Variants in CUL5 observed in about 807,000 individuals in gnomAD.
CUL5 encodes the protein cullin-5.
A neutral mutation model predicts 108.8 loss-of-function variants in CUL5; 26 were observed. That is an observed-to-expected ratio of 0.24 (90% confidence interval 0.18 to 0.33). CUL5 has a LOEUF of 0.33. CUL5 is among the 10% of genes least tolerant of loss of function. CUL5 has a pLI of 1.00. For missense variants in CUL5, 524 were observed against 909.2 expected (o/e 0.58, Z 5.45); for synonymous variants, 334 against 298.0 (o/e 1.12, Z -1.25).
At chr11:108,039,826 G>T (rs1862846888) in intron 2 of CUL5, among the ~76,000 whole-genome samples, 1 of 152,106 alleles carries the variant, frequency 6.6e-6, no homozygotes, top group African/African-American at 2.4e-5. Flanking sequence ...CTTTATCATG[G>T]ATCTGATGTT....
intron 1 of CUL5, among the ~76,000 whole-genome samples, chr11:108,032,644 C>CTAATAAA (rs1424974395): frequency 2.6e-5 from 4 of 152,208 alleles, no homozygotes; most frequent in African/African-American, 9.6e-5. Flanking sequence ...CCTAATATTG[C>CTAATAAA]ACTACTTTTA....
chr11:108,092,366 G>T (rs1864382616), intron 13 of CUL5, among the ~76,000 whole-genome samples: 1 of 152,116 alleles, frequency 6.6e-6, no homozygotes, highest in Non-Finnish European at 1.5e-5. Context: ...CATTTGAAGA[G>T]AAATGAAAAC....
chr11:108,042,611 G>T (rs1159976130), intron 2 of CUL5, among the ~76,000 whole-genome samples: 1 of 151,952 alleles, frequency 6.6e-6, no homozygotes, highest in East Asian at 1.9e-4. Flanking sequence ...TATTTTTGGA[G>T]ATTAAGCTCA....
In CUL5 at chr11:108,094,311, G is replaced by A. The variant is rs1239493885; in HGVS notation, c.1444-80G>A. On this transcript the variant is annotated intron_variant, in intron 13 of 18. Transcript: ENST00000393094. Reference sequence around the variant, plus strand: ...TTTGTATTAAAACATTTAAGACTTAGTTTTTCTATTAAAATTTTTCCCAGT... The same window carrying A: ...TTTGTATTAAAACATTTAAGACTTAATTTTTCTATTAAAATTTTTCCCAGT... The A allele has an allele frequency of 9.5e-6, 10 of 1,051,504 alleles. No homozygotes were observed. In the African/African-American group the frequency reaches 1.2e-4, roughly 12 times the overall value. The allele number at this position is 1,051,504 out of a possible 1,614,324, so 65.1% of individuals were successfully genotyped here.
intron 1 of CUL5, among the ~76,000 whole-genome samples, chr11:108,030,150 AT>A (rs1367437154): frequency 5.9e-5 from 9 of 152,216 alleles, no homozygotes; most frequent in African/African-American, 2.2e-4. Flanking sequence ...GCATAAAGTT[AT>A]TGTACAAAGT....
chr11:108,094,778 ATTTAC>A (rs1259633687), intron 14 of CUL5, 29 bp from the exon 15 acceptor site: 1 of 1,468,524 alleles, frequency 6.8e-7, no homozygotes, highest in Non-Finnish European at 9.2e-7. Context: ...TCCATTGTTA[ATTTAC>A]TTTATATTCC....
At chr11:108,051,598 C>T (rs1340676493) in intron 4 of CUL5, among the ~76,000 whole-genome samples, 1 of 152,132 alleles carries the variant, frequency 6.6e-6, no homozygotes, top group African/African-American at 2.4e-5. Context: ...TACATCTGAC[C>T]AAGTTTCTTG....
intron 4 of CUL5, 140 bp from the exon 5 acceptor site, chr11:108,052,520 C>T: frequency 4.4e-6 from 3 of 681,482 alleles, no homozygotes; most frequent in Non-Finnish European, 7.0e-6. Flanking sequence ...CCTCGGCCTC[C>T]CAAATTGTTG....
intron 7 of CUL5, among the ~76,000 whole-genome samples, chr11:108,058,576 G>C (rs1396599091): frequency 1.3e-5 from 2 of 151,556 alleles, no homozygotes; most frequent in Admixed American, 1.3e-4. Context: ...TTTAAATGAA[G>C]TAAGAGTAAT....
At position 108,104,515 on chromosome 11, in the gene CUL5, A is replaced by G. The variant is rs1864744072; in HGVS notation, c.*131A>G. On this transcript the variant is annotated 3_prime_UTR_variant, in exon 19 of 19. Transcript: ENST00000393094. ...AATATTAAAATCTCTGCCTTACCTT[A>G]CAAAAACAACTATATTTTGCCAATC... The G allele has an allele frequency of 1.7e-6, 1 of 576,444 alleles. No homozygotes were observed. Among genetic ancestry groups the G allele is most frequent in the Non-Finnish European group, 3.0e-6 (1 of 337,188 alleles). 35.7% of individuals were successfully genotyped at this position (576,444 alleles called of 1,614,324 possible). A position where few individuals can be genotyped will look rare whatever the true frequency, so the allele number is the denominator to read the frequency against.
chr11:108,085,254 G>A (rs1864190372), intron 11 of CUL5, among the ~76,000 whole-genome samples: 1 of 152,118 alleles, frequency 6.6e-6, no homozygotes, highest in African/African-American at 2.4e-5. Context: ...TCTAAGAAAT[G>A]AATTATTATT....
At chr11:108,055,485 T>C (rs1863350628) in intron 7 of CUL5, among the ~76,000 whole-genome samples, 1 of 152,120 alleles carries the variant, frequency 6.6e-6, no homozygotes, top group Admixed American at 6.5e-5. Flanking sequence ...AAAGTCTTGC[T>C]CTGTTGCCTA....
At position 108,028,605 on chromosome 11, in the gene CUL5, G is replaced by T. The variant is rs144806887; in HGVS notation, c.25-5197G>T. 3.6e-4 allele frequency among the ~76,000 whole-genome samples: 55 copies of T among 152,256 alleles called. 1 individual carries two copies. The highest frequency in any genetic ancestry group is 8.2e-4 in the African/African-American group (34 of 41,552). On this transcript the variant is annotated intron_variant, in intron 1 of 18. Transcript: ENST00000393094. ...TGTAATCACAGCACTTTCGGAGGCC[G>T]AAGCGGGCGGATCACAAGGTCACGA...
Position 108,026,271 on chromosome 11 carries a change from G to A in CUL5, c.25-7531G>A, listed in dbSNP as rs368894731. ...TGTCACTCGAGAAAAAGACACAACC[G>A]TGCTATTTGCACCTTAAATCCATGA... On this transcript the variant is annotated intron_variant, in intron 1 of 18. Transcript: ENST00000393094. Among the ~76,000 whole-genome samples, 19 of 152,070 alleles carry A rather than the reference G, an allele frequency of 1.2e-4. 1 individual carries two copies. Among genetic ancestry groups the A allele is most frequent in the East Asian group, 9.6e-4 (5 of 5,184 alleles).
At chr11:108,020,897 C>A (rs900492540) in intron 1 of CUL5, among the ~76,000 whole-genome samples, 1 of 152,210 alleles carries the variant, frequency 6.6e-6, no homozygotes, top group African/African-American at 2.4e-5. Flanking sequence ...CACTGACTCA[C>A]CTAGAGCATC....
At chr11:108,092,154 A>G (rs540198722) in intron 13 of CUL5, among the ~76,000 whole-genome samples, 3 of 152,304 alleles carry the variant, frequency 2.0e-5, no homozygotes, top group South Asian at 2.1e-4. Context: ...AAAAAAACAC[A>G]AAGAGATACT....
rs1227208657 is a variant in CUL5 at position 108,097,621 on chromosome 11, C to T, written c.1906-15C>T. ...TGTTTATAGATGCTAATTGTTTTCT[C>T]CTTATTCTTCATAGTCTTTAGTAGC... On this transcript the variant is annotated splice_polypyrimidine_tract_variant and intron_variant, in intron 16 of 18. Coordinates refer to ENST00000393094, the MANE Select transcript of CUL5 (RefSeq NM_003478.6). 10 of 1,453,430 alleles carry T rather than the reference C, an allele frequency of 6.9e-6. No homozygotes were observed. The highest frequency in any genetic ancestry group is 1.7e-5 in the Admixed American group (1 of 59,242). 90.0% of individuals were successfully genotyped at this position (1,453,430 alleles called of 1,614,324 possible).
chr11:108,018,770 A>T (rs1862263080), intron 1 of CUL5, among the ~76,000 whole-genome samples: 1 of 152,160 alleles, frequency 6.6e-6, no homozygotes, highest in South Asian at 2.1e-4. Context: ...TTGTTGAGAT[A>T]AGAAAGATTT....
intron 1 of CUL5, among the ~76,000 whole-genome samples, chr11:108,016,246 TC>T (rs1182629036): frequency 1.3e-5 from 2 of 151,742 alleles, no homozygotes; most frequent in Non-Finnish European, 2.9e-5. Flanking sequence ...TCTTCTCTTC[TC>T]TTCTCGTCTT....
Sources: gnomAD v4.1 joint callset for allele counts (sites outside exome capture counted in the v4.1 genomes callset) on GRCh38, gnomAD v4.1.1 for gene constraint, MANE v1.5 for transcripts, NCBI Gene and HGNC (gene_info 2026-07-23, HGNC 2026-07-21) for gene names.